Variants in DOCK2 observed in about 807,000 individuals in gnomAD.
DOCK2 encodes dedicator of cytokinesis 2.
A neutral mutation model predicts 248.9 loss-of-function variants in DOCK2; 87 were observed. The observed-to-expected ratio is 0.35, with a 90% CI of 0.29 to 0.42. DOCK2 has a LOEUF of 0.42. DOCK2 is among the 10% of genes least tolerant of loss of function. The probability of loss-of-function intolerance (pLI) is 1.00; values close to 1 mark genes in which losing one functional copy is unlikely to be tolerated. For synonymous variants in DOCK2, 805 were observed against 821.6 expected (o/e 0.98, Z 0.35); for missense variants, 1,747 against 2,300.2 (o/e 0.76, Z 4.92).
intron 27 of DOCK2, among the ~76,000 whole-genome samples, chr5:169,972,720 G>T (rs191566862): frequency 5.8e-4 from 89 of 152,288 alleles, no homozygotes; most frequent in African/African-American, 1.4e-3. Context: ...CACAATAAGT[G>T]CTAAATAAAT....
Position 170,018,967 on chromosome 5 carries a change from C to T in DOCK2, c.3240C>T (p.Asn1080=). 1 of 1,613,968 alleles carries T rather than the reference C, an allele frequency of 6.2e-7. No homozygotes were observed. Among genetic ancestry groups the T allele is most frequent in the Non-Finnish European group, 8.5e-7 (1 of 1,179,880 alleles). The part of the protein sequence containing the change: ...IRDMWYKLGQ[N]KICFIPGMVG... Reference sequence around the variant, plus strand: ...GTTCCTCTTCTCTTTCAGGTCAGAACAAAATCTGCTTCATCCCAGGCATGG... The same window carrying T: ...GTTCCTCTTCTCTTTCAGGTCAGAATAAAATCTGCTTCATCCCAGGCATGG... Residue 1080 remains asparagine (N), a synonymous_variant, in exon 33 of 52, where the codon AAC becomes AAT. Transcript: ENST00000520908.
At chr5:169,964,023 TG>T (rs1777197607) in intron 27 of DOCK2, among the ~76,000 whole-genome samples, 1 of 151,848 alleles carries the variant, frequency 6.6e-6, no homozygotes, top group Non-Finnish European at 1.5e-5. Context: ...GTGGCAGGAT[TG>T]GGGGAGGGAG....
At chr5:169,853,424 T>A (rs568407590) in intron 27 of DOCK2, among the ~76,000 whole-genome samples, 30 of 152,334 alleles carry the variant, frequency 2.0e-4, no homozygotes, top group South Asian at 1.9e-3. Flanking sequence ...TGTCAAATGA[T>A]CCTTCAAAAT....
chr5:169,880,293 T>A (rs1772563748), intron 27 of DOCK2, among the ~76,000 whole-genome samples: 1 of 152,260 alleles, frequency 6.6e-6, no homozygotes, highest in African/African-American at 2.4e-5. Context: ...CTCAAGGCCC[T>A]GCCTAAGTGC....
At chr5:170,065,647 G>A (rs923735024) in intron 44 of DOCK2, among the ~76,000 whole-genome samples, 24 of 152,200 alleles carry the variant, frequency 1.6e-4, no homozygotes, top group African/African-American at 5.5e-4. Flanking sequence ...CCCATCTTAC[G>A]TGGATGGCAG....
In DOCK2 at chr5:169,684,341, C is replaced by A; in HGVS notation, c.752C>A (p.Thr251Lys). Reference sequence around the variant, plus strand: ...TCTCTCTACGACCCCAACAAGCAAACGGTCATAAGGTAGGTGTGTCCAGGG... The same window carrying A: ...TCTCTCTACGACCCCAACAAGCAAAAGGTCATAAGGTAGGTGTGTCCAGGG... ...FMSLYDPNKQTVISENYLVRW... is the reference protein window; with the variant it reads ...FMSLYDPNKQKVISENYLVRW... Residue 251 changes from threonine to lysine, a missense_variant, in exon 8 of 52, where the codon ACG becomes AAG. By Grantham distance (78) the Thr-to-Lys change is moderately conservative. This residue lies in a region of DOCK2 where 375 missense variants were observed against 510.9 expected (regional missense o/e 0.73). Transcript: ENST00000520908. 6.2e-7 allele frequency: 1 copy of A among 1,614,058 alleles called. No individual in the cohort carries two copies. The highest frequency in any genetic ancestry group is 8.5e-7 in the Non-Finnish European group (1 of 1,179,986).
intron 22 of DOCK2, among the ~76,000 whole-genome samples, chr5:169,722,407 G>A (rs193174491): frequency 1.3e-5 from 2 of 152,320 alleles, no homozygotes; most frequent in East Asian, 3.9e-4. Context: ...AGAACACTGT[G>A]CTGCAACAGG....
chr5:169,900,883 C>A (rs1449672805), intron 27 of DOCK2, among the ~76,000 whole-genome samples: 2 of 152,186 alleles, frequency 1.3e-5, no homozygotes, highest in East Asian at 3.9e-4. Context: ...CCCAGCAAAT[C>A]ATCGATTAGG....
chr5:169,812,865 G>A (rs1767840111), intron 26 of DOCK2, among the ~76,000 whole-genome samples: 1 of 152,240 alleles, frequency 6.6e-6, no homozygotes, highest in Non-Finnish European at 1.5e-5. Context: ...AGAGAACTCT[G>A]TAGCCCCATT....
At chr5:169,773,399 A>T (rs1765205746) in intron 25 of DOCK2, among the ~76,000 whole-genome samples, 1 of 152,170 alleles carries the variant, frequency 6.6e-6, no homozygotes, top group Admixed American at 6.5e-5. Flanking sequence ...GGAGAAAAAA[A>T]TTCCCGATCA....
intron 2 of DOCK2, among the ~76,000 whole-genome samples, chr5:169,657,886 G>A (rs1308732980): frequency 6.6e-6 from 1 of 152,068 alleles, no homozygotes; most frequent in Non-Finnish European, 1.5e-5. Flanking sequence ...GATTTTTATG[G>A]CTACCATAAA....
intron 22 of DOCK2, among the ~76,000 whole-genome samples, chr5:169,725,680 C>T (rs907408949): frequency 1.4e-4 from 21 of 151,076 alleles, no homozygotes; most frequent in African/African-American, 4.6e-4. Flanking sequence ...CGACAGGCCC[C>T]GGTGTGTGAT....
intron 44 of DOCK2, among the ~76,000 whole-genome samples, chr5:170,065,961 T>C (rs1357673463): frequency 6.6e-6 from 1 of 151,104 alleles, no homozygotes; most frequent in Non-Finnish European, 1.5e-5. Context: ...CTGTTTTTTT[T>C]TTTTTTTTGA....
At chr5:170,066,144 G>T (rs1420847981) in intron 44 of DOCK2, among the ~76,000 whole-genome samples, 2 of 151,990 alleles carry the variant, frequency 1.3e-5, no homozygotes, top group African/African-American at 4.8e-5. Flanking sequence ...TAGAGACGGG[G>T]TTTCACCATG....
At chr5:169,813,248 A>T (rs1417568961) in intron 26 of DOCK2, among the ~76,000 whole-genome samples, 2 of 152,216 alleles carry the variant, frequency 1.3e-5, no homozygotes, top group African/African-American at 4.8e-5. Flanking sequence ...AATAAACTAT[A>T]TTAAAATCTA....
chr5:169,905,247 C>A (rs1014212005), intron 27 of DOCK2, among the ~76,000 whole-genome samples: 1 of 151,740 alleles, frequency 6.6e-6, no homozygotes, highest in Non-Finnish European at 1.5e-5. Context: ...TCAGCTGCAG[C>A]CCCAGTTGGT....
intron 30 of DOCK2, among the ~76,000 whole-genome samples, chr5:169,996,559 G>A (rs1210079421): frequency 4.6e-5 from 7 of 152,122 alleles, no homozygotes; most frequent in Non-Finnish European, 8.8e-5. Context: ...ACAACTTTGT[G>A]GTTTCCTGAT....
chr5:169,883,448 A>G, intron 27 of DOCK2: 2 of 1,551,674 alleles, frequency 1.3e-6, no homozygotes, highest in Non-Finnish European at 1.7e-6. Context: ...GCCAACCTTA[A>G]GTAGGCAAGG....
chr5:169,980,219 G>T (rs575541364), intron 27 of DOCK2: 1 of 152,008 alleles, frequency 6.6e-6, no homozygotes, highest in African/African-American at 2.4e-5. Context: ...AGAGACGATC[G>T]CATTTTCTCT....
Sources: gnomAD v4.1 joint callset for allele counts (sites outside exome capture counted in the v4.1 genomes callset) on GRCh38, gnomAD v4.1.1 for gene constraint, gnomAD v4.1.1 regional missense constraint, MANE v1.5 for transcripts, NCBI Gene and HGNC (gene_info 2026-07-23, HGNC 2026-07-21) for gene names.